The following WWOX variants were observed in gnomAD, a reference collection of about 807,000 sequenced individuals.
The protein encoded by WWOX is WW domain containing oxidoreductase, also known as WW domain-containing oxidoreductase.
WWOX carries 69 observed loss-of-function variants against 46.2 expected under a neutral mutation model. The ratio of observed to expected loss-of-function variants is 1.49; its 90% CI spans 1.23 to 1.82. The LOEUF (loss-of-function observed/expected upper bound fraction) is 1.82. WWOX is among the 40% of genes most tolerant of loss of function. The pLI is 0.00. For missense variants in WWOX, 919 were observed against 542.6 expected, an observed-to-expected ratio of 1.69 and a Z score of -6.89; for synonymous variants, 359 against 202.6, an observed-to-expected ratio of 1.77 and a Z score of -6.56.
chr16:78,140,437 T>C (rs1230568078), intron 4 of WWOX, among the ~76,000 whole-genome samples: 9 of 152,156 alleles, frequency 5.9e-5, no homozygotes, highest in Non-Finnish European at 1.3e-4. Context: ...AGAAATTTAT[T>C]GTTTCCAAGT....
At chr16:78,792,851 C>G (rs1023346053) in intron 8 of WWOX, among the ~76,000 whole-genome samples, 1 of 152,096 alleles carries the variant, frequency 6.6e-6, no homozygotes, top group South Asian at 2.1e-4. Flanking sequence ...TCTCTGCTCA[C>G]CCCGGGGATT....
intron 8 of WWOX, among the ~76,000 whole-genome samples, chr16:78,908,199 G>C (rs75346536): frequency 6.6e-6 from 1 of 152,022 alleles, no homozygotes; most frequent in Non-Finnish European, 1.5e-5. Context: ...CTCCTTGCCC[G>C]CTGCCTAAGC....
intron 8 of WWOX, among the ~76,000 whole-genome samples, chr16:78,789,389 A>G (rs2142585102): frequency 6.6e-6 from 1 of 152,334 alleles, no homozygotes; most frequent in South Asian, 2.1e-4. Context: ...TCCCAGAAGC[A>G]TTGATTAAAA....
At chr16:78,613,602 C>G (rs765819594) in intron 8 of WWOX, among the ~76,000 whole-genome samples, 1 of 152,276 alleles carries the variant, frequency 6.6e-6, no homozygotes, top group Non-Finnish European at 1.5e-5. Context: ...CACCTGAATT[C>G]CGGATTCAAG....
intron 4 of WWOX, among the ~76,000 whole-genome samples, chr16:78,149,014 A>G (rs1432885755): frequency 2.0e-5 from 3 of 150,756 alleles, no homozygotes; most frequent in Admixed American, 6.6e-5. Flanking sequence ...TTTTTTTGAG[A>G]CAGAATCTGC....
intron 8 of WWOX, among the ~76,000 whole-genome samples, chr16:79,063,062 T>C (rs926542391): frequency 6.6e-6 from 1 of 152,208 alleles, no homozygotes; most frequent in Non-Finnish European, 1.5e-5. Flanking sequence ...GATAAACCAT[T>C]ATACTGTTTG....
intron 8 of WWOX, among the ~76,000 whole-genome samples, chr16:78,978,922 A>T (rs556476449): frequency 6.6e-6 from 1 of 152,080 alleles, no homozygotes; most frequent in East Asian, 1.9e-4. Flanking sequence ...AGCGCTTGTT[A>T]TTTCTTCAGG....
chr16:78,803,362 T>C (rs1011960112), intron 8 of WWOX, among the ~76,000 whole-genome samples: 2 of 152,200 alleles, frequency 1.3e-5, no homozygotes, highest in African/African-American at 2.4e-5. Flanking sequence ...TCAAGTGTAG[T>C]ATTTATTTCT....
At chr16:78,770,733 G>C (rs909589062) in intron 8 of WWOX, among the ~76,000 whole-genome samples, 2 of 148,524 alleles carry the variant, frequency 1.3e-5, no homozygotes, top group African/African-American at 2.5e-5. Context: ...ACCCGTCTGC[G>C]CCAGTGTCCC....
intron 8 of WWOX, among the ~76,000 whole-genome samples, chr16:78,940,871 G>A (rs1347601567): frequency 1.3e-5 from 2 of 151,784 alleles, no homozygotes; most frequent in South Asian, 2.1e-4. Context: ...AAGTTGTATC[G>A]ATCATGTATT....
intron 8 of WWOX, among the ~76,000 whole-genome samples, chr16:78,791,740 T>C (rs372377949): frequency 2.0e-5 from 3 of 151,874 alleles, no homozygotes; most frequent in African/African-American, 7.3e-5. Flanking sequence ...TTAGCTGGGA[T>C]TTGGTGGCGC....
At chr16:78,599,714 G>C (rs1221474563) in intron 8 of WWOX, among the ~76,000 whole-genome samples, 1 of 152,176 alleles carries the variant, frequency 6.6e-6, no homozygotes, top group East Asian at 1.9e-4. Context: ...CTTGTGTTTA[G>C]GAAGTGGGGT....
intron 5 of WWOX, among the ~76,000 whole-genome samples, chr16:78,194,587 CAAA>C (rs368008924): frequency 2.0e-4 from 20 of 98,510 alleles, no homozygotes; most frequent in South Asian, 7.7e-4. Context: ...GACTCCATCT[CAAA>C]AAAAAAAAAA....
chr16:78,304,864 C>A (rs914755996), intron 5 of WWOX, among the ~76,000 whole-genome samples: 1 of 152,190 alleles, frequency 6.6e-6, no homozygotes, highest in African/African-American at 2.4e-5. Flanking sequence ...CCATTTGACA[C>A]ATTTCGCTAG....
chr16:78,822,061 G>C (rs1251224939), intron 8 of WWOX, among the ~76,000 whole-genome samples: 1 of 151,994 alleles, frequency 6.6e-6, no homozygotes, highest in Non-Finnish European at 1.5e-5. Context: ...ATTTCCTGTA[G>C]AGATGGGGTC....
At chr16:78,701,091 A>G (rs1248327006) in intron 8 of WWOX, among the ~76,000 whole-genome samples, 1 of 152,114 alleles carries the variant, frequency 6.6e-6, no homozygotes, top group Non-Finnish European at 1.5e-5. Context: ...TCTCCTCTTT[A>G]AAGGTGGGCT....
intron 8 of WWOX, among the ~76,000 whole-genome samples, chr16:78,627,234 G>T (rs1462114954): frequency 6.6e-6 from 1 of 152,154 alleles, no homozygotes; most frequent in Admixed American, 6.6e-5. Context: ...TGCCCCAGGT[G>T]TGTTTGCTAC....
intron 8 of WWOX, among the ~76,000 whole-genome samples, chr16:78,985,503 C>G (rs1315441102): frequency 6.6e-6 from 1 of 152,176 alleles, no homozygotes; most frequent in Non-Finnish European, 1.5e-5. Flanking sequence ...GGCGCGGTGG[C>G]TCACGCTGTA....
intron 5 of WWOX, among the ~76,000 whole-genome samples, chr16:78,184,889 T>C (rs898415326): frequency 6.6e-6 from 1 of 152,148 alleles, no homozygotes; most frequent in Non-Finnish European, 1.5e-5. Flanking sequence ...AACCTCAAAA[T>C]CTCTGGGGCT....
Sources: gnomAD v4.1 joint callset for allele counts (sites outside exome capture counted in the v4.1 genomes callset) on GRCh38, gnomAD v4.1.1 for gene constraint, MANE v1.5 for transcripts, NCBI Gene and HGNC (gene_info 2026-07-23, HGNC 2026-07-21) for gene names.